MYBPC1: variants seen among roughly 807,000 people sequenced by gnomAD.
The protein encoded by MYBPC1 is myosin-binding protein C, slow-type.
Under a neutral mutation model 147.1 loss-of-function variants are expected in MYBPC1, and 52 were observed. The observed-to-expected ratio is 0.35, with a 90% CI of 0.28 to 0.45. The LOEUF (loss-of-function observed/expected upper bound fraction) is 0.45. Among genes scored for constraint, MYBPC1 ranks in the 20% least tolerant of loss-of-function variants. The pLI, the probability that MYBPC1 is intolerant of heterozygous loss-of-function variation, is 1.00. For synonymous variants in MYBPC1, 477 were observed against 475.9 expected, an observed-to-expected ratio of 1.00 and a Z score of -0.03; for missense variants, 1,228 against 1,440.3, an observed-to-expected ratio of 0.85 and a Z score of 2.39.
intron 5 of MYBPC1, chr12:101,628,069 C>CA (rs1182942585): frequency 2.2e-5 from 9 of 415,508 alleles, no homozygotes; most frequent in Non-Finnish European, 3.6e-5. Context: ...ACACAGAGAT[C>CA]AATCTTCATT....
rs752566720 is a variant in MYBPC1, at chr12:101,661,249, C to T, written c.2019C>T (p.Gly673=). ...GGGAGCCTCCTGCCTACGACGGAGG[C>T]TCTCCAATCCTAGGTAACTGCATGT... The part of the protein sequence containing the change: ...MNWEPPAYDG[G]SPILGYFIER... The change falls in exon 20 of 32, where the codon GGC becomes GGT. Residue 673 remains glycine, a synonymous_variant. Transcript: ENST00000361466. 1.2e-6 allele frequency: 2 copies of T among 1,610,946 alleles called. No homozygotes were observed. The highest frequency in any genetic ancestry group is 1.7e-6 in the Non-Finnish European group (2 of 1,177,368).
At position 101,657,938 on chromosome 12, in the gene MYBPC1, G is replaced by A. The variant is rs553678437; in HGVS notation, c.1768-1734G>A. ...GAGGTCAGGAGATCGAGACCATCCT[G>A]GCTAATACGGTGAAACCCCGTCTCT... On this transcript the variant is annotated intron_variant, in intron 18 of 31. Coordinates refer to ENST00000361466, the MANE Select transcript of MYBPC1 (RefSeq NM_002465.4). 1.1e-3 allele frequency among the ~76,000 whole-genome samples: 168 copies of A among 152,150 alleles called. 4 individuals are homozygous for A. Among genetic ancestry groups the A allele is most frequent in the Middle Eastern group, 0.01 (3 of 294 alleles).
intron 24 of MYBPC1, 122 bp downstream of exon 24, chr12:101,670,531 A>G: frequency 1.2e-6 from 1 of 857,070 alleles, no homozygotes; most frequent in Middle Eastern, 2.2e-4. Context: ...GAGAGGAGGT[A>G]AATAAAGAAT....
chr12:101,647,029 C>A, intron 13 of MYBPC1, 142 bp downstream of exon 13: 1 of 1,091,796 alleles, frequency 9.2e-7, no homozygotes, highest in Non-Finnish European at 1.4e-6. Flanking sequence ...TTGTTGAAGA[C>A]TAGAACAGCA....
rs1422952470 is a variant in MYBPC1 at position 101,629,416 on chromosome 12, C to A, written c.179-18C>A. 1 of 1,502,712 alleles carries A rather than the reference C, an allele frequency of 6.7e-7. No homozygotes were observed. Among genetic ancestry groups the A allele is most frequent in the Non-Finnish European group, 9.2e-7 (1 of 1,091,472 alleles). 93.1% of individuals were successfully genotyped at this position (1,502,712 alleles called of 1,614,324 possible). The stretch of plus-strand genomic sequence containing the variant: ...GCCTGGCCCTGAAATAATCCTTTTC[C>A]TCCTTTCTGCTCATCAGACTGGACC... On this transcript the variant is annotated intron_variant, in intron 5 of 31. Transcript: ENST00000361466.
chr12:101,659,588 C>A, intron 18 of MYBPC1, 84 bp from the exon 19 acceptor site: 1 of 1,426,600 alleles, frequency 7.0e-7, no homozygotes, highest in Non-Finnish European at 9.9e-7. Flanking sequence ...CTATAGTCTG[C>A]TGAATTGCTC....
At chr12:101,637,976 A>C (rs1158508222) in intron 10 of MYBPC1, among the ~76,000 whole-genome samples, 1 of 152,194 alleles carries the variant, frequency 6.6e-6, no homozygotes, top group Non-Finnish European at 1.5e-5. Context: ...AGTGAGCCTC[A>C]CGTTTCCTCA....
At chr12:101,608,470 C>G (rs1283674420) in intron 1 of MYBPC1, among the ~76,000 whole-genome samples, 1 of 152,202 alleles carries the variant, frequency 6.6e-6, no homozygotes, top group East Asian at 1.9e-4. Flanking sequence ...CAAGAATGTT[C>G]CACAGAACTT....
intron 1 of MYBPC1, among the ~76,000 whole-genome samples, chr12:101,605,434 C>G (rs1881775803): frequency 6.6e-6 from 1 of 152,148 alleles, no homozygotes; most frequent in Non-Finnish European, 1.5e-5. Context: ...TCTCAGATCC[C>G]TTTGCACCCT....
chr12:101,627,846 T>G, intron 5 of MYBPC1, 42 bp downstream of exon 5: 1 of 1,577,652 alleles, frequency 6.3e-7, no homozygotes, highest in Non-Finnish European at 8.7e-7. Context: ...CTCATCCTAA[T>G]ACAATCACTA....
At chr12:101,667,334 C>G (rs915132695) in intron 22 of MYBPC1, among the ~76,000 whole-genome samples, 2 of 152,128 alleles carry the variant, frequency 1.3e-5, no homozygotes. Context: ...TAAAGATAGC[C>G]TTTTCCTGTT....
At chr12:101,628,927 T>C (rs1889233747) in intron 5 of MYBPC1, 1 of 210,232 alleles carries the variant, frequency 4.8e-6, no homozygotes, top group African/African-American at 2.3e-5. Context: ...AAAACTCTCT[T>C]ACAAAAGCAA....
chr12:101,668,849 G>T (rs991718151), intron 23 of MYBPC1, among the ~76,000 whole-genome samples: 2 of 152,178 alleles, frequency 1.3e-5, no homozygotes, highest in African/African-American at 4.8e-5. Flanking sequence ...TATTTTGGGA[G>T]GCTGAGGCGG....
intron 1 of MYBPC1, among the ~76,000 whole-genome samples, chr12:101,613,805 A>G (rs1885074506): frequency 6.6e-6 from 1 of 151,614 alleles, no homozygotes. Flanking sequence ...CCAAGCACGT[A>G]TGCTTCCAGA....
intron 21 of MYBPC1, among the ~76,000 whole-genome samples, chr12:101,662,958 GTTTCT>G (rs1896823636): frequency 6.6e-6 from 1 of 151,862 alleles, no homozygotes; most frequent in Non-Finnish European, 1.5e-5. Flanking sequence ...TTGGAAACTG[GTTTCT>G]TTGCTTTATG....
In MYBPC1 at chr12:101,678,173, G is replaced by A; in HGVS notation, c.3181G>A (p.Val1061Ile). ...SEAPMFTQPL[V>I]NTYAIAGYNA... ...GGCACCCATGTTTACTCAGCCTTTG[G>A]TTAACACCTATGCCATAGCTGGTTA... Residue 1061 changes from valine (V) to isoleucine (I), a missense_variant, in exon 28 of 32, where the codon GTT (valine) becomes ATT (isoleucine). Coordinates refer to ENST00000361466, the MANE Select transcript of MYBPC1 (RefSeq NM_002465.4). The A allele has an allele frequency of 6.2e-7, 1 of 1,614,082 alleles. No homozygotes were observed. The highest frequency in any genetic ancestry group is 8.5e-7 in the Non-Finnish European group (1 of 1,179,958).
intron 5 of MYBPC1, chr12:101,629,169 A>T (rs906378187): frequency 8.8e-6 from 4 of 455,382 alleles, no homozygotes; most frequent in African/African-American, 4.0e-5. Context: ...TCAAAGAGAG[A>T]ATAACAGCTT....
chr12:101,641,689 C>G (rs1892077032), intron 10 of MYBPC1, among the ~76,000 whole-genome samples: 1 of 152,060 alleles, frequency 6.6e-6, no homozygotes, highest in African/African-American at 2.4e-5. Context: ...ACATTCAAGA[C>G]AGTACTTTAA....
chr12:101,638,901 A>G (rs1891488184), intron 10 of MYBPC1, among the ~76,000 whole-genome samples: 1 of 152,186 alleles, frequency 6.6e-6, no homozygotes, highest in South Asian at 2.1e-4. Context: ...ATACTAATCC[A>G]CTAATATAAC....
Sources: allele counts gnomAD v4.1 joint callset (sites outside exome capture counted in the v4.1 genomes callset), GRCh38; gene constraint gnomAD v4.1.1; transcripts MANE v1.5; gene names NCBI Gene and HGNC (gene_info 2026-07-23, HGNC 2026-07-21).